The following MRPL48 variants were observed in gnomAD, a reference collection of about 807,000 sequenced individuals.
The protein encoded by MRPL48 is mitochondrial ribosomal protein L48.
In MRPL48, 16 loss-of-function variants were observed where a neutral mutation model predicts 32.9. That is an observed-to-expected ratio of 0.49 (90% CI 0.33 to 0.74). MRPL48 has a LOEUF of 0.74. Among genes scored for constraint, MRPL48 ranks in the 30% least tolerant of loss-of-function variants. The probability of loss-of-function intolerance (pLI) is 0.02; values close to 1 mark genes in which losing one functional copy is unlikely to be tolerated. For synonymous variants in MRPL48, 94 were observed against 89.2 expected, an observed-to-expected ratio of 1.05 and a Z score of -0.31; for missense variants, 206 against 245.3, an observed-to-expected ratio of 0.84 and a Z score of 1.07.
At chr11:73,812,044 C>T (rs1258455557) in intron 3 of MRPL48, among the ~76,000 whole-genome samples, 4 of 152,108 alleles carry the variant, frequency 2.6e-5, no homozygotes, top group Admixed American at 6.6e-5. Context: ...TGCCACCACG[C>T]CCCACTCATT....
intron 3 of MRPL48, among the ~76,000 whole-genome samples, chr11:73,822,831 C>T (rs950971898): frequency 6.6e-6 from 1 of 152,192 alleles, no homozygotes; most frequent in Non-Finnish European, 1.5e-5. Flanking sequence ...CCCCTCCCAG[C>T]CACTCCCCAT....
At chr11:73,800,187 T>C (rs11235910) in intron 1 of MRPL48, among the ~76,000 whole-genome samples, 14,351 of 151,882 alleles carry the variant, frequency 0.094, 806 homozygotes, top group South Asian at 0.27. Context: ...GGCAGGAAGA[T>C]TGCTTGAGGC....
chr11:73,806,030 C>T (rs1383885879), intron 2 of MRPL48, among the ~76,000 whole-genome samples: 1 of 152,100 alleles, frequency 6.6e-6, no homozygotes, highest in Non-Finnish European at 1.5e-5. Context: ...TTCTCATTGC[C>T]TTTACTACCA....
chr11:73,853,879 A>G (rs1358111689), intron 5 of MRPL48, among the ~76,000 whole-genome samples: 3 of 151,638 alleles, frequency 2.0e-5, no homozygotes, highest in African/African-American at 7.3e-5. Context: ...TTTAGTAGGG[A>G]GGGGGTTTCA....
At chr11:73,791,329 T>G (rs1947148391) in intron 1 of MRPL48, among the ~76,000 whole-genome samples, 1 of 152,194 alleles carries the variant, frequency 6.6e-6, no homozygotes, top group African/African-American at 2.4e-5. Flanking sequence ...ATACAGCCCA[T>G]TATACTGATC....
At chr11:73,807,595 T>A (rs1947476517) in intron 2 of MRPL48, among the ~76,000 whole-genome samples, 1 of 151,504 alleles carries the variant, frequency 6.6e-6, no homozygotes, top group East Asian at 1.9e-4. Flanking sequence ...GAGTTTAAGA[T>A]ACATTTTCAG....
intron 1 of MRPL48, among the ~76,000 whole-genome samples, chr11:73,793,954 C>T (rs1037594242): frequency 2.2e-4 from 33 of 151,336 alleles, no homozygotes; most frequent in Middle Eastern, 3.4e-3. Flanking sequence ...TATCCTCCCA[C>T]CTCTTGCCTC....
Position 73,825,284 on chromosome 11 carries a change from A to ATATGTGTGTGTGTGTGTG in MRPL48, c.113-423_113-422insATGTGTGTGTGTGTGTGT, listed in dbSNP as rs146232365. On this transcript the variant is annotated intron_variant, in intron 3 of 7. Transcript: ENST00000310614. ...CTTACTGTTACCTTGTTTTTTATAT[A>ATATGTGTGTGTGTGTGTG]TGTGTGTGTGTGTGTGTGTGTGTGT... Among the ~76,000 whole-genome samples the ATATGTGTGTGTGTGTGTG allele has an allele frequency of 2.7e-4, 38 of 139,910 alleles. No individual in the cohort carries two copies. The South Asian group carries it at 4.5e-3, about 16-fold the overall frequency. 91.8% of individuals were successfully genotyped at this position (139,910 alleles called of 152,430 possible). A position where few individuals can be genotyped will look rare whatever the true frequency, so the allele number is the denominator to read the frequency against.
At chr11:73,788,032 CGGACGGTGCAGAGAGGGGAGAT>C (rs1947073525) in intron 1 of MRPL48, 40 bp downstream of exon 1, 2 of 1,463,428 alleles carry the variant, frequency 1.4e-6, no homozygotes, top group East Asian at 2.3e-5. Context: ...GGGGAGATGG[CGGACGGTGCAGAGAGGGGAGAT>C]GGCGGAGGGT....
intron 3 of MRPL48, among the ~76,000 whole-genome samples, chr11:73,812,780 C>A (rs570601830): frequency 6.7e-6 from 1 of 150,200 alleles, no homozygotes; most frequent in Non-Finnish European, 1.5e-5. Flanking sequence ...GACTGAGTCA[C>A]GTTCTGTCAC....
intron 1 of MRPL48, among the ~76,000 whole-genome samples, chr11:73,797,214 T>A (rs1947271487): frequency 6.6e-6 from 1 of 152,190 alleles, no homozygotes; most frequent in African/African-American, 2.4e-5. Context: ...AGCTGCCCAC[T>A]CCAAGGTCCT....
At position 73,859,948 on chromosome 11, in the gene MRPL48, A is replaced by G; in HGVS notation, c.413A>G (p.Gln138Arg). 6.2e-7 allele frequency: 1 copy of G among 1,613,902 alleles called. No homozygotes were observed. Among genetic ancestry groups the G allele is most frequent in the Non-Finnish European group, 8.5e-7 (1 of 1,179,868 alleles). The change falls in exon 6 of 8, where the codon CAG (glutamine) becomes CGG (arginine). Residue 138 changes from glutamine (Q) to arginine (R), a missense_variant. Transcript: ENST00000310614. ...PTKTIEVLQL[Q>R]DQGSKMLLDS... ...AAAACCATAGAAGTGTTGCAGTTGCAGGACCAAGGCAGCAAAATGCTCCTG... is the reference window on the plus strand; with the variant it reads ...AAAACCATAGAAGTGTTGCAGTTGCGGGACCAAGGCAGCAAAATGCTCCTG...
At chr11:73,851,418 A>T (rs141515714) in intron 5 of MRPL48, among the ~76,000 whole-genome samples, 42 of 152,298 alleles carry the variant, frequency 2.8e-4, no homozygotes, top group African/African-American at 9.9e-4. Context: ...ACCTTTATAC[A>T]TTAGAGTGCA....
chr11:73,809,499 G>A (rs550577798), intron 3 of MRPL48, among the ~76,000 whole-genome samples: 5 of 130,168 alleles, frequency 3.8e-5, no homozygotes, highest in South Asian at 2.4e-4. Flanking sequence ...GCGAGACTCC[G>A]TCTCAAAAAA....
At chr11:73,834,551 TGAGACGGAGTC>T (rs1333948874) in intron 4 of MRPL48, among the ~76,000 whole-genome samples, 16 of 151,420 alleles carry the variant, frequency 1.1e-4, no homozygotes, top group African/African-American at 3.6e-4. Flanking sequence ...TTTTTTTTTT[TGAGACGGAGTC>T]TCGCTCTGTC....
intron 5 of MRPL48, among the ~76,000 whole-genome samples, chr11:73,855,314 T>C (rs924211900): frequency 6.6e-6 from 1 of 151,704 alleles, no homozygotes; most frequent in Non-Finnish European, 1.5e-5. Context: ...ACAATAAAAG[T>C]TTCTCATGTA....
chr11:73,824,706 G>C (rs1947851926), intron 3 of MRPL48, among the ~76,000 whole-genome samples: 1 of 152,002 alleles, frequency 6.6e-6, no homozygotes, highest in Admixed American at 6.6e-5. Context: ...AAGGCGAAAG[G>C]ATTTTTTTTT....
intron 4 of MRPL48, among the ~76,000 whole-genome samples, chr11:73,835,877 G>A (rs1948091988): frequency 6.6e-6 from 1 of 152,132 alleles, no homozygotes. Context: ...TAGCCTGAGT[G>A]ACAGAGTGAG....
intron 3 of MRPL48, among the ~76,000 whole-genome samples, chr11:73,812,898 C>T (rs183001831): frequency 1.2e-3 from 186 of 149,928 alleles, no homozygotes; most frequent in African/African-American, 4.3e-3. Context: ...TACAGGCATG[C>T]GCCACCATGC....
Sources: gnomAD v4.1 joint callset for allele counts (sites outside exome capture counted in the v4.1 genomes callset) on GRCh38, gnomAD v4.1.1 for gene constraint, MANE v1.5 for transcripts, NCBI Gene and HGNC (gene_info 2026-07-23, HGNC 2026-07-21) for gene names.